Variants in GFRA1 observed in about 807,000 individuals in gnomAD.
The protein encoded by GFRA1 is GDNF family receptor alpha 1, also known as GDNF family receptor alpha-1.
In GFRA1, 16 loss-of-function variants were observed where a neutral mutation model predicts 51.6. The observed-to-expected ratio is 0.31, with a 90% CI of 0.21 to 0.47. GFRA1 has a LOEUF of 0.47. GFRA1 is among the 20% of genes least tolerant of loss of function. The pLI, the probability that GFRA1 is intolerant of heterozygous loss-of-function variation, is 1.00. For synonymous variants in GFRA1, 270 were observed against 241.3 expected, an observed-to-expected ratio of 1.12 and a Z score of -1.10; for missense variants, 530 against 594.3, an observed-to-expected ratio of 0.89 and a Z score of 1.13.
Position 116,096,742 on chromosome 10 carries a change from T to C in GFRA1, c.793A>G (p.Thr265Ala). 1 of 1,596,914 alleles carries C rather than the reference T, an allele frequency of 6.3e-7. No individual in the cohort carries two copies. The highest frequency in any genetic ancestry group is 1.1e-5 in the South Asian group (1 of 90,194). ...GACCTTGACTCTGGCTGGCAGTTGGTAAAAAAATCCGCAAGGCGAGATCTA... is the reference window on the plus strand; with the variant it reads ...GACCTTGACTCTGGCTGGCAGTTGGCAAAAAAATCCGCAAGGCGAGATCTA... ...ICRSRLADFF[T>A]NCQPESRSVS... Residue 265 changes from threonine to alanine, a missense_variant, in exon 7 of 11, where the codon ACC (threonine) becomes GCC (alanine). By Grantham distance (58) the Thr-to-Ala change is moderately conservative. Transcript: ENST00000355422.
chr10:116,227,181 T>C (rs1347328678), intron 4 of GFRA1, among the ~76,000 whole-genome samples: 1 of 152,134 alleles, frequency 6.6e-6, no homozygotes, highest in Non-Finnish European at 1.5e-5. Context: ...AATCCACAGG[T>C]ATGTCTGTAC....
At chr10:116,215,319 A>G (rs1306611402) in intron 4 of GFRA1, among the ~76,000 whole-genome samples, 1 of 152,194 alleles carries the variant, frequency 6.6e-6, no homozygotes, top group African/African-American at 2.4e-5. Context: ...GTGGATGTCA[A>G]AGGATATTAG....
Position 116,188,919 on chromosome 10 carries a change from AATGTT to A in GFRA1, c.433+22707_433+22711del, listed in dbSNP as rs1047826997. Among the ~76,000 whole-genome samples, 1,021 of 150,946 alleles carry A rather than the reference AATGTT, an allele frequency of 6.8e-3. 13 individuals are homozygous for A. The highest frequency in any genetic ancestry group is 0.024 in the African/African-American group (987 of 41,074). ...TGTTTAAAAAAAAAAAAAAAAGGTA[AATGTT>A]ATGTTATCTACAGTATTTATTATCA... On this transcript the variant is annotated intron_variant, in intron 5 of 10. Coordinates refer to ENST00000355422, the MANE Select transcript of GFRA1 (RefSeq NM_005264.8).
At chr10:116,092,069 GAA>G (rs1254032457) in intron 8 of GFRA1, among the ~76,000 whole-genome samples, 1 of 146,512 alleles carries the variant, frequency 6.8e-6, no homozygotes, top group African/African-American at 2.5e-5. Context: ...AGATGGATGT[GAA>G]AAAGAGGAAA....
intron 5 of GFRA1, among the ~76,000 whole-genome samples, chr10:116,146,807 G>C (rs1387044399): frequency 1.3e-5 from 2 of 152,182 alleles, no homozygotes; most frequent in Non-Finnish European, 2.9e-5. Flanking sequence ...AGAGTGAAAA[G>C]CGACAGTGAT....
At chr10:116,178,110 T>C (rs948000870) in intron 5 of GFRA1, among the ~76,000 whole-genome samples, 8 of 152,242 alleles carry the variant, frequency 5.3e-5, no homozygotes, top group African/African-American at 1.9e-4. Context: ...CAGAGGACAG[T>C]TCTGCCTGTC....
At chr10:116,087,056 TG>T (rs879444603) in intron 9 of GFRA1, among the ~76,000 whole-genome samples, 1 of 152,190 alleles carries the variant, frequency 6.6e-6, no homozygotes, top group Non-Finnish European at 1.5e-5. Context: ...ATTTTACTTT[TG>T]TCCTTCTGTT....
At chr10:116,065,672 G>GTAAT in intron 9 of GFRA1, 46 bp from the exon 10 acceptor site, 1 of 1,466,102 alleles carries the variant, frequency 6.8e-7, no homozygotes, top group African/African-American at 1.4e-5. Flanking sequence ...ATACAGAAGA[G>GTAAT]TAATTACTGA....
At chr10:116,204,676 G>A (rs1047391621) in intron 5 of GFRA1, among the ~76,000 whole-genome samples, 2 of 152,158 alleles carry the variant, frequency 1.3e-5, no homozygotes, top group African/African-American at 4.8e-5. Context: ...GCCAAAATGG[G>A]AACAATTTGA....
chr10:116,243,472 A>C (rs564045189), intron 4 of GFRA1, among the ~76,000 whole-genome samples: 2 of 151,478 alleles, frequency 1.3e-5, no homozygotes, highest in East Asian at 1.9e-4. Flanking sequence ...TATATAGACA[A>C]TCTTCCCCCA....
intron 5 of GFRA1, among the ~76,000 whole-genome samples, chr10:116,129,214 G>A (rs1282170620): frequency 2.0e-5 from 3 of 152,032 alleles, no homozygotes; most frequent in Non-Finnish European, 2.9e-5. Flanking sequence ...TACCAGAACT[G>A]AACAAAGACA....
chr10:116,105,544 C>A lies in GFRA1; in HGVS notation c.771-8780G>T, dbSNP rs544717236. On this transcript the variant is annotated intron_variant, in intron 6 of 10. Coordinates refer to ENST00000355422, the MANE Select transcript of GFRA1 (RefSeq NM_005264.8). ...ATGGCTTCATTTAATTATTTACGCA[C>A]ACCCTGTCTTCAGAAGGAATTTTGA... Among the ~76,000 whole-genome samples the A allele has an allele frequency of 1.9e-3, 289 of 152,294 alleles. 1 individual carries two copies. The highest frequency in any genetic ancestry group is 3.1e-3 in the Admixed American group (47 of 15,302).
intron 4 of GFRA1, 22 bp from the exon 5 acceptor site, chr10:116,211,667 AGGGGAGG>A: frequency 6.5e-7 from 1 of 1,544,006 alleles, no homozygotes; most frequent in Non-Finnish European, 8.8e-7. Flanking sequence ...GAAGAAAAGT[AGGGGAGG>A]GGAGAGGGGA....
intron 9 of GFRA1, among the ~76,000 whole-genome samples, chr10:116,084,495 G>T (rs1158446398): frequency 2.6e-5 from 4 of 152,236 alleles, no homozygotes; most frequent in Non-Finnish European, 5.9e-5. Context: ...TGCTCGCCCT[G>T]GGGCTGAGCG....
intron 8 of GFRA1, among the ~76,000 whole-genome samples, chr10:116,092,871 C>T (rs981719327): frequency 6.6e-6 from 1 of 152,140 alleles, no homozygotes; most frequent in Non-Finnish European, 1.5e-5. Flanking sequence ...GAGTGGGTTG[C>T]AATTTTCAAG....
At chr10:116,117,170 G>C (rs1957444255) in intron 6 of GFRA1, among the ~76,000 whole-genome samples, 1 of 152,212 alleles carries the variant, frequency 6.6e-6, no homozygotes, top group Non-Finnish European at 1.5e-5. Context: ...GAGAGATCAC[G>C]TTTGTGTGGG....
At chr10:116,232,585 G>T (rs1016659254) in intron 4 of GFRA1, among the ~76,000 whole-genome samples, 2 of 151,926 alleles carry the variant, frequency 1.3e-5, no homozygotes, top group Non-Finnish European at 2.9e-5. Flanking sequence ...AGAACAAAAA[G>T]CTATTATGGA....
intron 5 of GFRA1, among the ~76,000 whole-genome samples, chr10:116,138,170 C>T (rs1555156951): frequency 3.3e-5 from 5 of 152,104 alleles, no homozygotes; most frequent in Non-Finnish European, 5.9e-5. Context: ...GTTAATAAAA[C>T]TTTGCTTGGT....
At chr10:116,254,006 G>C (rs1315883372) in intron 4 of GFRA1, among the ~76,000 whole-genome samples, 3 of 152,042 alleles carry the variant, frequency 2.0e-5, no homozygotes, top group Non-Finnish European at 4.4e-5. Flanking sequence ...TAACACTCAG[G>C]CTTTTATGAA....
Sources: gnomAD v4.1 joint callset for allele counts (sites outside exome capture counted in the v4.1 genomes callset) on GRCh38, gnomAD v4.1.1 for gene constraint, MANE v1.5 for transcripts, NCBI Gene and HGNC (gene_info 2026-07-23, HGNC 2026-07-21) for gene names.